EHHADH: variants seen among roughly 807,000 people sequenced by gnomAD.
The protein encoded by EHHADH is peroxisomal bifunctional enzyme.
Under a neutral mutation model 64.4 loss-of-function variants are expected in EHHADH, and 48 were observed. That is an observed-to-expected ratio of 0.75 (90% CI 0.59 to 0.95). The LOEUF (loss-of-function observed/expected upper bound fraction) is 0.95. Ranked by LOEUF, EHHADH falls within the 40% of genes least tolerant of loss-of-function variation. EHHADH has a pLI of 0.00. For missense variants in EHHADH, 854 were observed against 876.6 expected (o/e 0.97, Z 0.33); for synonymous variants, 308 against 326.7 (o/e 0.94, Z 0.62).
At chr3:185,245,800 T>C (rs1343795181) in intron 2 of EHHADH, 3 of 731,382 alleles carry the variant, frequency 4.1e-6, no homozygotes, top group Non-Finnish European at 7.4e-6. Context: ...CAGAAGAAGT[T>C]TTCTTGGTTC....
Position 185,192,211 on chromosome 3 carries a change from A to C in EHHADH, c.*15T>G. The C allele has an allele frequency of 6.2e-7, 1 of 1,603,822 alleles. No individual in the cohort carries two copies. Reference sequence around the variant, plus strand: ...ACCTGATGCTAGCATGTGAGGCATAATCTGGAAGACTGAATCACAATTTAC... The same window carrying C: ...ACCTGATGCTAGCATGTGAGGCATACTCTGGAAGACTGAATCACAATTTAC... On this transcript the variant is annotated 3_prime_UTR_variant, in exon 7 of 7. Coordinates refer to ENST00000231887, the MANE Select transcript of EHHADH (RefSeq NM_001966.4).
chr3:185,233,480 T>A (rs1479098893), intron 3 of EHHADH, among the ~76,000 whole-genome samples: 1 of 152,054 alleles, frequency 6.6e-6, no homozygotes, highest in Non-Finnish European at 1.5e-5. Context: ...AATAGCAAAA[T>A]GGCAGATGTT....
intron 5 of EHHADH, among the ~76,000 whole-genome samples, chr3:185,211,686 A>T (rs1157364692): frequency 6.6e-6 from 1 of 152,248 alleles, no homozygotes; most frequent in Non-Finnish European, 1.5e-5. Context: ...CTTGTCTAGC[A>T]GGTAAAAAGG....
intron 5 of EHHADH, among the ~76,000 whole-genome samples, chr3:185,206,821 C>G (rs1718406911): frequency 2.7e-5 from 4 of 150,684 alleles, no homozygotes; most frequent in South Asian, 4.2e-4. Context: ...GAGCGAGACT[C>G]TGTCTCCAAA....
chr3:185,237,249 T>G (rs1353141778), intron 2 of EHHADH, among the ~76,000 whole-genome samples: 1 of 152,222 alleles, frequency 6.6e-6, no homozygotes, highest in Non-Finnish European at 1.5e-5. Context: ...TTCTTATTAA[T>G]TCTAACAATT....
Position 185,216,218 on chromosome 3 carries a change from G to C in EHHADH, c.568+1918C>G, listed in dbSNP as rs1214293695. ...CCATTTTAGAAATGTAGCTAAGGTT[G>C]AGACCTGGATCCAGGTCTCCTAGAT... On this transcript the variant is annotated intron_variant, in intron 5 of 6. Coordinates refer to ENST00000231887, the MANE Select transcript of EHHADH (RefSeq NM_001966.4). The surrounding 1 kb of genome is among the most constrained non-coding windows in gnomAD (Gnocchi z 5.3). 6.6e-6 allele frequency among the ~76,000 whole-genome samples: 1 copy of C among 152,200 alleles called. No individual in the cohort carries two copies. Among genetic ancestry groups the C allele is most frequent in the African/African-American group, 2.4e-5 (1 of 41,454 alleles).
chr3:185,216,530 A>C lies in EHHADH; in HGVS notation c.568+1606T>G, dbSNP rs1333002276. Among the ~76,000 whole-genome samples the C allele has an allele frequency of 6.6e-6, 1 of 152,224 alleles. No individual in the cohort carries two copies. Among genetic ancestry groups the C allele is most frequent in the African/African-American group, 2.4e-5 (1 of 41,464 alleles). On this transcript the variant is annotated intron_variant, in intron 5 of 6. Transcript: ENST00000231887. This position sits in a 1 kb window ranked among gnomAD's most constrained non-coding sequence, Gnocchi z 5.3. ...GTGAAGGTTGCCTGAAAGGCCGAGA[A>C]AAATAGTAGGAAATTTATTTCTATT...
At chr3:185,212,080 G>C (rs1718555976) in intron 5 of EHHADH, among the ~76,000 whole-genome samples, 1 of 152,172 alleles carries the variant, frequency 6.6e-6, no homozygotes, top group South Asian at 2.1e-4. Flanking sequence ...TAGTCTCTTG[G>C]TCTTTGAATA....
chr3:185,192,249 CTGCCAAGCTT>C lies in EHHADH; in HGVS notation c.2139_2148del (p.Ser714AlafsTer25), dbSNP rs758787964. ...AATCACAATTTACTGCTAGGGGAGC[CTGCCAAGCTT>C]TGCCATTCTTTCAGGGGAGGGTTTC... On this transcript the variant is annotated frameshift_variant, in exon 7 of 7. Coordinates refer to ENST00000231887, the MANE Select transcript of EHHADH (RefSeq NM_001966.4). LOFTEE classifies it high-confidence loss of function. 8 of 1,613,608 alleles carry C rather than the reference CTGCCAAGCTT, an allele frequency of 5.0e-6. No homozygotes were observed. In the South Asian group the frequency reaches 6.6e-5, roughly 13 times the overall value.
chr3:185,203,176 C>G (rs1282170665), intron 6 of EHHADH, among the ~76,000 whole-genome samples: 1 of 151,638 alleles, frequency 6.6e-6, no homozygotes, highest in Admixed American at 6.6e-5. Context: ...ATAAATTATA[C>G]TGTGGTCATG....
At position 185,248,446 on chromosome 3, in the gene EHHADH, A is replaced by T. The variant is rs966882610; in HGVS notation, c.146T>A (p.Val49Glu). The change falls in exon 2 of 7, where the codon GTG becomes GAG. Residue 49 changes from valine to glutamate, a missense_variant. Coordinates refer to ENST00000231887, the MANE Select transcript of EHHADH (RefSeq NM_001966.4). Reference protein sequence around the residue: ...AVIDHTIKAIVICGAEGKFSA... With the variant: ...AVIDHTIKAIEICGAEGKFSA... ...AAATTTGCCCTCTGCTCCACAAATCACAATGGCTTTTATTGTATGGTCTAT... is the reference window on the plus strand; with the variant it reads ...AAATTTGCCCTCTGCTCCACAAATCTCAATGGCTTTTATTGTATGGTCTAT... 58 of 1,614,054 alleles carry T rather than the reference A, an allele frequency of 3.6e-5. No homozygotes were observed. The highest frequency in any genetic ancestry group is 4.9e-5 in the Non-Finnish European group (58 of 1,180,010).
intron 2 of EHHADH, among the ~76,000 whole-genome samples, 190 bp from the exon 3 acceptor site, chr3:185,235,652 G>A (rs1719271231): frequency 6.6e-6 from 1 of 152,084 alleles, no homozygotes; most frequent in African/African-American, 2.4e-5. Flanking sequence ...CTGAAAACAA[G>A]TATATTGGAG....
chr3:185,224,454 T>A (rs2108641216), intron 4 of EHHADH, among the ~76,000 whole-genome samples: 1 of 134,364 alleles, frequency 7.4e-6, no homozygotes, highest in South Asian at 2.3e-4. Flanking sequence ...TGAGCTGAGA[T>A]CGTGCCACTG....
Position 185,190,709 on chromosome 3 carries a change from T to C in EHHADH, c.*1517A>G, listed in dbSNP as rs1166844137. On this transcript the variant is annotated 3_prime_UTR_variant, in exon 7 of 7. Transcript: ENST00000231887. ...AATTAAGTAGTACACATTTCAAACATAATAATTGTGCTCTGTACAATTCAA... is the reference window on the plus strand; with the variant it reads ...AATTAAGTAGTACACATTTCAAACACAATAATTGTGCTCTGTACAATTCAA... 6.6e-6 allele frequency: 1 copy of C among 152,232 alleles called. No individual in the cohort carries two copies. The highest frequency in any genetic ancestry group is 6.5e-5 in the Admixed American group (1 of 15,294). 9.4% of individuals were successfully genotyped at this position (152,232 alleles called of 1,614,324 possible).
chr3:185,238,450 C>T (rs1178688554), intron 2 of EHHADH, among the ~76,000 whole-genome samples: 3 of 152,042 alleles, frequency 2.0e-5, no homozygotes, highest in South Asian at 4.1e-4. Flanking sequence ...AATAGTCACT[C>T]TAAGTGGTGT....
At chr3:185,199,463 T>C (rs1320448185) in intron 6 of EHHADH, among the ~76,000 whole-genome samples, 1 of 152,140 alleles carries the variant, frequency 6.6e-6, no homozygotes, top group East Asian at 1.9e-4. Flanking sequence ...CACCCAGATG[T>C]AGAGAATGCA....
At chr3:185,241,729 T>A (rs1719458959) in intron 2 of EHHADH, among the ~76,000 whole-genome samples, 1 of 152,196 alleles carries the variant, frequency 6.6e-6, no homozygotes, top group Non-Finnish European at 1.5e-5. Flanking sequence ...GGTGAAGATT[T>A]TCCCCCACTC....
chr3:185,232,262 A>T (rs1461363896), intron 3 of EHHADH, among the ~76,000 whole-genome samples: 1 of 152,072 alleles, frequency 6.6e-6, no homozygotes, highest in African/African-American at 2.4e-5. Context: ...CTCTTTACTT[A>T]TTGCTAGTAA....
At chr3:185,207,018 T>C (rs1718415395) in intron 5 of EHHADH, among the ~76,000 whole-genome samples, 1 of 152,002 alleles carries the variant, frequency 6.6e-6, no homozygotes. Context: ...CTGGGCACAG[T>C]AGCCCACGCC....
Sources: gnomAD v4.1 joint callset for allele counts (sites outside exome capture counted in the v4.1 genomes callset) on GRCh38, gnomAD v4.1.1 for gene constraint, Gnocchi (gnomAD v3.1) non-coding constraint, MANE v1.5 for transcripts, NCBI Gene and HGNC (gene_info 2026-07-23, HGNC 2026-07-21) for gene names.